Variants in KLHL24 observed in about 807,000 individuals in gnomAD.
The protein encoded by KLHL24 is kelch-like protein 24.
In KLHL24, 29 loss-of-function variants were observed where a neutral mutation model predicts 53.4. That is an observed-to-expected ratio of 0.54 (90% CI 0.40 to 0.74). The LOEUF is 0.74. Among genes scored for constraint, KLHL24 ranks in the 30% least tolerant of loss-of-function variants. The pLI is 0.00. For missense variants in KLHL24, 504 were observed against 744.0 expected, an observed-to-expected ratio of 0.68 and a Z score of 3.75; for synonymous variants, 222 against 253.7, an observed-to-expected ratio of 0.88 and a Z score of 1.19.
intron 4 of KLHL24, 98 bp from the exon 5 acceptor site, chr3:183,664,823 A>T (rs1213617188): frequency 3.5e-6 from 2 of 571,424 alleles, no homozygotes; most frequent in Non-Finnish European, 6.1e-6. Flanking sequence ...AGATGAATGA[A>T]TTCCATGTTT....
chr3:183,660,934 G>A (rs1416923070), intron 3 of KLHL24, among the ~76,000 whole-genome samples: 3 of 147,822 alleles, frequency 2.0e-5, no homozygotes, highest in South Asian at 2.1e-4. Flanking sequence ...GCGTGGTGGC[G>A]GGCTCCTGTA....
At position 183,683,701 on chromosome 3, in the gene KLHL24, A is replaced by G. The variant is rs187418147; in HGVS notation, c.*4415A>G. The G allele has an allele frequency of 5.6e-4, 85 of 152,756 alleles. No individual in the cohort carries two copies. Among genetic ancestry groups the G allele is most frequent in the African/African-American group, 1.7e-3 (70 of 41,580 alleles). 9.5% of individuals were successfully genotyped at this position (152,756 alleles called of 1,614,324 possible). On this transcript the variant is annotated 3_prime_UTR_variant, in exon 8 of 8. Coordinates refer to ENST00000242810, the MANE Select transcript of KLHL24 (RefSeq NM_017644.3). ...CAGCAACATTCATAACTTATTTTAT[A>G]TATTGTTCCAAAGAAAAGAATTTGT...
chr3:183,658,703 C>T (rs1320428438), intron 3 of KLHL24, among the ~76,000 whole-genome samples: 8 of 152,314 alleles, frequency 5.3e-5, no homozygotes, highest in African/African-American at 1.9e-4. Flanking sequence ...CTTCTGCACT[C>T]CTTTGCCAAT....
intron 2 of KLHL24, among the ~76,000 whole-genome samples, chr3:183,644,389 G>A (rs953781289): frequency 1.3e-5 from 2 of 152,088 alleles, no homozygotes; most frequent in African/African-American, 4.8e-5. Flanking sequence ...GTGTAGTTAC[G>A]GAGACCAGTA....
intron 3 of KLHL24, among the ~76,000 whole-genome samples, chr3:183,656,037 CTTTTTT>C (rs760140064): frequency 3.3e-5 from 3 of 90,888 alleles, no homozygotes; most frequent in East Asian, 3.9e-4. Flanking sequence ...CCCTTAGCAT[CTTTTTT>C]TTTTTTTTTT....
intron 3 of KLHL24, among the ~76,000 whole-genome samples, chr3:183,655,290 A>G (rs1718688090): frequency 6.6e-6 from 1 of 152,194 alleles, no homozygotes; most frequent in Non-Finnish European, 1.5e-5. Flanking sequence ...AGGTGTGTGG[A>G]AAAAACAGTA....
intron 7 of KLHL24, among the ~76,000 whole-genome samples, chr3:183,675,777 TA>T (rs900119983): frequency 5.5e-5 from 8 of 146,480 alleles, no homozygotes; most frequent in Admixed American, 1.4e-4. Flanking sequence ...AAAAAAAATT[TA>T]AAAAAAAAAG....
At chr3:183,647,539 C>T (rs1039869290) in intron 2 of KLHL24, among the ~76,000 whole-genome samples, 6 of 152,044 alleles carry the variant, frequency 3.9e-5, no homozygotes, top group Admixed American at 1.3e-4. Context: ...GGTGAAACCC[C>T]GTCTCTACTA....
intron 4 of KLHL24, 134 bp from the exon 5 acceptor site, chr3:183,664,787 G>A (rs1435314353): frequency 2.0e-6 from 1 of 502,818 alleles, no homozygotes. Context: ...TTTATTTATT[G>A]AGCTGAATTC....
At chr3:183,637,984 A>G (rs1227973387) in intron 1 of KLHL24, among the ~76,000 whole-genome samples, 1 of 152,188 alleles carries the variant, frequency 6.6e-6, no homozygotes, top group African/African-American at 2.4e-5. Context: ...TGTAGAAGGA[A>G]GTTTGAGCTC....
At chr3:183,660,120 C>A (rs918054874) in intron 3 of KLHL24, among the ~76,000 whole-genome samples, 3 of 144,504 alleles carry the variant, frequency 2.1e-5, no homozygotes, top group Non-Finnish European at 4.5e-5. Context: ...AAACCTTTGG[C>A]GTTTTTCTTT....
chr3:183,677,198 C>G (rs1712041345), intron 7 of KLHL24, among the ~76,000 whole-genome samples: 3 of 152,010 alleles, frequency 2.0e-5, no homozygotes, highest in Non-Finnish European at 4.4e-5. Flanking sequence ...TATTAATTAC[C>G]AGACCATGTA....
chr3:183,638,928 C>T (rs1238620198), intron 1 of KLHL24, among the ~76,000 whole-genome samples: 1 of 152,216 alleles, frequency 6.6e-6, no homozygotes, highest in Non-Finnish European at 1.5e-5. Context: ...TGGCTGGGTG[C>T]GGTGGCTCAC....
intron 2 of KLHL24, among the ~76,000 whole-genome samples, chr3:183,645,856 T>C (rs1211319256): frequency 1.3e-5 from 2 of 152,152 alleles, no homozygotes; most frequent in African/African-American, 4.8e-5. Flanking sequence ...GGGAGTTACT[T>C]TGTTGACATT....
intron 7 of KLHL24, among the ~76,000 whole-genome samples, chr3:183,673,924 A>G (rs1340200286): frequency 6.6e-6 from 1 of 152,196 alleles, no homozygotes; most frequent in Non-Finnish European, 1.5e-5. Flanking sequence ...TTCCAAACTC[A>G]AATTTCTAAC....
intron 1 of KLHL24, among the ~76,000 whole-genome samples, chr3:183,638,844 C>T (rs13078822): frequency 0.16 from 24,899 of 152,166 alleles, 2,143 homozygotes; most frequent in East Asian, 0.32. Context: ...CTATATTCAT[C>T]ATCCCAGAGT....
chr3:183,669,951 A>C (rs886223042), intron 5 of KLHL24, among the ~76,000 whole-genome samples: 1 of 152,172 alleles, frequency 6.6e-6, no homozygotes, highest in Non-Finnish European at 1.5e-5. Flanking sequence ...CAGTCCATTA[A>C]GAGAAATGTG....
chr3:183,656,668 T>TGG (rs966102071), intron 3 of KLHL24, among the ~76,000 whole-genome samples: 6 of 152,120 alleles, frequency 3.9e-5, no homozygotes, highest in African/African-American at 1.4e-4. Context: ...CTGCTTGTGA[T>TGG]GGGCCTCTGT....
intron 3 of KLHL24, among the ~76,000 whole-genome samples, chr3:183,656,037 C>CTTTTTTTTTTTTT (rs760140064): frequency 4.4e-5 from 4 of 90,888 alleles, no homozygotes; most frequent in Non-Finnish European, 8.2e-5. Flanking sequence ...CCCTTAGCAT[C>CTTTTTTTTTTTTT]TTTTTTTTTT....
Sources: gnomAD v4.1 joint callset for allele counts (sites outside exome capture counted in the v4.1 genomes callset) on GRCh38, gnomAD v4.1.1 for gene constraint, MANE v1.5 for transcripts, NCBI Gene and HGNC (gene_info 2026-07-23, HGNC 2026-07-21) for gene names.